Variants in GRID2IP observed in about 807,000 individuals in gnomAD.
The protein encoded by GRID2IP is delphilin.
Under a neutral mutation model 114.3 loss-of-function variants are expected in GRID2IP, and 78 were observed. That is an observed-to-expected ratio of 0.68 (90% CI 0.57 to 0.82). GRID2IP has a LOEUF of 0.82. Among genes scored for constraint, GRID2IP ranks in the 40% least tolerant of loss-of-function variants. The pLI is 0.00. For missense variants in GRID2IP, 1,727 were observed against 1,678.5 expected, an observed-to-expected ratio of 1.03 and a Z score of -0.51; for synonymous variants, 809 against 724.0, an observed-to-expected ratio of 1.12 and a Z score of -1.89.
chr7:6,514,482 G>T lies in GRID2IP; in HGVS notation c.1316C>A (p.Pro439His), dbSNP rs1779252121. The T allele has an allele frequency of 1.3e-6, 2 of 1,548,856 alleles. No individual in the cohort carries two copies. Among genetic ancestry groups the T allele is most frequent in the Non-Finnish European group, 1.7e-6 (2 of 1,145,912 alleles). ...GAACTGCCACAGGACCTGCTTGGCA[G>T]GGGTGTCCAGCACAGGGTAGACGTC... ...IVDVYPVLDTPAKQVLWQFIY... is the reference protein window; with the variant it reads ...IVDVYPVLDTHAKQVLWQFIY... The change falls in exon 8 of 22, where the codon CCT (proline) becomes CAT (histidine). Residue 439 changes from proline to histidine, a missense_variant. By Grantham distance (77) the Pro-to-His change is moderately conservative (BLOSUM62 -2). Coordinates refer to ENST00000457091, the MANE Select transcript of GRID2IP (RefSeq NM_001145118.2).
At position 6,534,499 on chromosome 7, in the gene GRID2IP, A is replaced by ACCTG. The variant is rs1197358191; in HGVS notation, c.584+5215_584+5218dup. ...TGTTGTGGTGAAGGAATAGGAGACCACCTGCTTACATGGTGACCACGGACC... is the reference window on the plus strand; with the variant it reads ...TGTTGTGGTGAAGGAATAGGAGACCACCTGCCTGCTTACATGGTGACCACGGACC... On this transcript the variant is annotated intron_variant, in intron 2 of 21. Coordinates refer to ENST00000457091, the MANE Select transcript of GRID2IP (RefSeq NM_001145118.2). The surrounding 1 kb of genome is among the most constrained non-coding windows in gnomAD (Gnocchi z 4.5). Among the ~76,000 whole-genome samples, 7 of 152,200 alleles carry ACCTG rather than the reference A, an allele frequency of 4.6e-5. No individual in the cohort carries two copies. In the East Asian group the frequency reaches 1.4e-3, roughly 29 times the overall value.
At chr7:6,527,760 A>ATT (rs111974045) in intron 2 of GRID2IP, among the ~76,000 whole-genome samples, 11,851 of 142,230 alleles carry the variant, frequency 0.083, 636 homozygotes, top group Middle Eastern at 0.14. Context: ...CACCAGGCTA[A>ATT]TTTTTTTTTT....
At chr7:6,547,042 G>GA (rs1324750927) in intron 1 of GRID2IP, among the ~76,000 whole-genome samples, 1 of 152,174 alleles carries the variant, frequency 6.6e-6, no homozygotes, top group Non-Finnish European at 1.5e-5. Flanking sequence ...AATGAGCATT[G>GA]AGGACAGGTG....
In GRID2IP at chr7:6,509,319, G is replaced by A. The variant is rs753131376; in HGVS notation, c.1772-6C>T. On this transcript the variant is annotated splice_region_variant and splice_polypyrimidine_tract_variant and intron_variant, in intron 11 of 21. Coordinates refer to ENST00000457091, the MANE Select transcript of GRID2IP (RefSeq NM_001145118.2). This position sits in a 1 kb window ranked among gnomAD's most constrained non-coding sequence, Gnocchi z 4.9. ...GCCGGACAGGGTCCTGGGCCCTGGA[G>A]GAGGGATGGAGTATGAGGATTCCTC... 108 of 1,487,210 alleles carry A rather than the reference G, an allele frequency of 7.3e-5. 2 individuals are homozygous for A. The South Asian group carries it at 1.3e-3, about 18-fold the overall frequency. 92.1% of individuals were successfully genotyped at this position (1,487,210 alleles called of 1,614,324 possible). A position where few individuals can be genotyped will look rare whatever the true frequency, so the allele number is the denominator to read the frequency against.
chr7:6,539,815 T>G lies in GRID2IP; in HGVS notation c.487A>C (p.Lys163Gln). Residue 163 changes from lysine to glutamine, a missense_variant, in exon 2 of 22, where the codon AAG becomes CAG. Transcript: ENST00000457091. ...TAKEQVFAAL[K>Q]QFAAEQRVDD... ...ACCCGCTGCTCAGCTGCAAACTGCT[T>G]CAGTGCAGCGAACACCTGCTCCTTG... The G allele has an allele frequency of 6.4e-7, 1 of 1,551,052 alleles. No homozygotes were observed. Among genetic ancestry groups the G allele is most frequent in the Non-Finnish European group, 8.7e-7 (1 of 1,146,888 alleles).
At position 6,503,036 on chromosome 7, in the gene GRID2IP, T is replaced by A. The variant is rs1428829872; in HGVS notation, c.3035A>T (p.Asn1012Ile). Residue 1012 changes from asparagine (N) to isoleucine (I), a missense_variant, in exon 17 of 22, where the codon AAC (asparagine) becomes ATC (isoleucine). Physicochemically the swap from Asn to Ile is moderately radical, Grantham distance 149. Coordinates refer to ENST00000457091, the MANE Select transcript of GRID2IP (RefSeq NM_001145118.2). ...CAGGATCTTGGCGAGCTTCCGACTGTTTTTGAGCTCCAGGGAGGCCTGGCG... is the reference window on the plus strand; with the variant it reads ...CAGGATCTTGGCGAGCTTCCGACTGATTTTGAGCTCCAGGGAGGCCTGGCG... ...CLRQASLELK[N>I]SRKLAKILEF... is the part of the protein sequence containing the mutation. 1 of 1,551,262 alleles carries A rather than the reference T, an allele frequency of 6.4e-7. No individual in the cohort carries two copies. Among genetic ancestry groups the A allele is most frequent in the Non-Finnish European group, 8.7e-7 (1 of 1,146,894 alleles).
At chr7:6,531,057 G>A (rs1228229791) in intron 2 of GRID2IP, 1 of 642,440 alleles carries the variant, frequency 1.6e-6, no homozygotes, top group South Asian at 1.6e-5. Flanking sequence ...GGGACGCGAT[G>A]GGGAAGCTAC....
rs533401754 is a variant in GRID2IP at position 6,528,850 on chromosome 7, C to T, written c.585-2081G>A. ...ATGTCCTGCTCACCTCTGCCCGGTG[C>T]CCATTCCCATCCACCTGCAATGCTT... On this transcript the variant is annotated intron_variant, in intron 2 of 21. Coordinates refer to ENST00000457091, the MANE Select transcript of GRID2IP (RefSeq NM_001145118.2). The surrounding 1 kb of genome is among the most constrained non-coding windows in gnomAD (Gnocchi z 6.0). Among the ~76,000 whole-genome samples the T allele has an allele frequency of 2.0e-5, 3 of 152,252 alleles. No individual in the cohort carries two copies. The highest frequency in any genetic ancestry group is 7.2e-5 in the African/African-American group (3 of 41,554).
At chr7:6,517,767 G>A (rs1401907975) in intron 7 of GRID2IP, among the ~76,000 whole-genome samples, 1 of 151,828 alleles carries the variant, frequency 6.6e-6, no homozygotes, top group Non-Finnish European at 1.5e-5. Context: ...GCCAGGCATG[G>A]TGGTGGGCGC....
intron 1 of GRID2IP, among the ~76,000 whole-genome samples, chr7:6,546,824 G>A (rs1273328609): frequency 1.3e-5 from 2 of 152,146 alleles, no homozygotes; most frequent in African/African-American, 2.4e-5. Flanking sequence ...ATCCTGCCCT[G>A]TTTGGAGCTC....
rs1342679604 is a variant in GRID2IP at position 6,523,980 on chromosome 7, T to G, written c.920-2023A>C. Among the ~76,000 whole-genome samples, 1 of 152,196 alleles carries G rather than the reference T, an allele frequency of 6.6e-6. No homozygotes were observed. The highest frequency in any genetic ancestry group is 1.5e-5 in the Non-Finnish European group (1 of 68,032). Reference sequence around the variant, plus strand: ...AGAGGAAGCTCTCCAGAGAGCAGCTTTGGGCCTTTTGCTTACAATATGGTG... The same window carrying G: ...AGAGGAAGCTCTCCAGAGAGCAGCTGTGGGCCTTTTGCTTACAATATGGTG... On this transcript the variant is annotated intron_variant, in intron 4 of 21. Coordinates refer to ENST00000457091, the MANE Select transcript of GRID2IP (RefSeq NM_001145118.2). The surrounding 1 kb of genome is among the most constrained non-coding windows in gnomAD (Gnocchi z 4.5).
intron 2 of GRID2IP, chr7:6,531,124 C>T: frequency 1.9e-6 from 1 of 525,206 alleles, no homozygotes; most frequent in Non-Finnish European, 3.4e-6. Flanking sequence ...GACCGCGGCG[C>T]GGCAGGTGCC....
At chr7:6,504,042 G>T (rs1786500592) in intron 15 of GRID2IP, among the ~76,000 whole-genome samples, 1 of 150,048 alleles carries the variant, frequency 6.7e-6, no homozygotes, top group Non-Finnish European at 1.5e-5. Context: ...ATCTGAAGGG[G>T]CAGGGGACAA....
chr7:6,499,115 C>T (rs1037974538), intron 20 of GRID2IP, among the ~76,000 whole-genome samples: 1 of 152,178 alleles, frequency 6.6e-6, no homozygotes, highest in African/African-American at 2.4e-5. Flanking sequence ...CATCGTTTAA[C>T]ACCTCTATGA....
In GRID2IP at chr7:6,511,007, C is replaced by T. The variant is rs569916383; in HGVS notation, c.1456G>A (p.Glu486Lys). 9.3e-6 allele frequency: 14 copies of T among 1,508,902 alleles called. No homozygotes were observed. Among genetic ancestry groups the T allele is most frequent in the African/African-American group, 7.1e-5 (5 of 70,068 alleles). 93.5% of individuals were successfully genotyped at this position (1,508,902 alleles called of 1,614,324 possible). A position where few individuals can be genotyped will look rare whatever the true frequency, so the allele number is the denominator to read the frequency against. The change falls in exon 9 of 22, where the codon GAG (glutamate) becomes AAG (lysine). Residue 486 changes from glutamate (E) to lysine (K), a missense_variant. Transcript: ENST00000457091. ...CGCGGCTGGGGCTCAGGCGTGGGCTCGGACTCCAGGTCCAGCTCAGGCTCC... is the reference window on the plus strand; with the variant it reads ...CGCGGCTGGGGCTCAGGCGTGGGCTTGGACTCCAGGTCCAGCTCAGGCTCC... ...EPEPELDLES[E>K]PTPEPQPRSS...
At chr7:6,525,129 G>A (rs929247938) in intron 4 of GRID2IP, among the ~76,000 whole-genome samples, 3 of 151,838 alleles carry the variant, frequency 2.0e-5, no homozygotes, top group South Asian at 4.2e-4. Context: ...ACATGACGAA[G>A]CCCCATCTCT....
intron 1 of GRID2IP, among the ~76,000 whole-genome samples, chr7:6,547,804 G>C (rs935489324): frequency 3.9e-5 from 6 of 152,270 alleles, no homozygotes; most frequent in African/African-American, 9.6e-5. Flanking sequence ...ATTTGGAAGG[G>C]GTTAGGACTG....
chr7:6,505,002 C>T, intron 14 of GRID2IP, 132 bp from the exon 15 acceptor site: 1 of 705,332 alleles, frequency 1.4e-6, no homozygotes, highest in Non-Finnish European at 2.5e-6. Context: ...GCTACACGTC[C>T]ATAGTCCCTT....
At chr7:6,517,494 T>C (rs1313826984) in intron 7 of GRID2IP, among the ~76,000 whole-genome samples, 8 of 152,196 alleles carry the variant, frequency 5.3e-5, no homozygotes, top group South Asian at 4.1e-4. Flanking sequence ...CAAGGTTATC[T>C]ATTCAAGGAA....
Sources: allele counts gnomAD v4.1 joint callset (sites outside exome capture counted in the v4.1 genomes callset), GRCh38; gene constraint gnomAD v4.1.1; non-coding constraint Gnocchi (gnomAD v3.1); transcripts MANE v1.5; gene names NCBI Gene and HGNC (gene_info 2026-07-23, HGNC 2026-07-21).